The following EFCAB13 variants were observed in gnomAD, a reference collection of about 807,000 sequenced individuals.
The protein encoded by EFCAB13 is EF-hand calcium binding domain 13.
EFCAB13 carries 91 observed loss-of-function variants against 110.2 expected under a neutral mutation model. The observed-to-expected ratio is 0.83, with a 90% CI of 0.70 to 0.98. EFCAB13 has a LOEUF of 0.98. EFCAB13 is among the 50% of genes least tolerant of loss of function. The pLI is 0.00. For missense variants in EFCAB13, 968 were observed against 1,119.4 expected, an observed-to-expected ratio of 0.86 and a Z score of 1.93; for synonymous variants, 323 against 369.9, an observed-to-expected ratio of 0.87 and a Z score of 1.45.
At chr17:47,393,705 G>A (rs2065721022) in intron 15 of EFCAB13, among the ~76,000 whole-genome samples, 1 of 144,354 alleles carries the variant, frequency 6.9e-6, no homozygotes, top group African/African-American at 2.7e-5. Flanking sequence ...GACAGAGTGA[G>A]ACTCTTTCTC....
At chr17:47,358,773 G>A (rs2065494459) in intron 9 of EFCAB13, among the ~76,000 whole-genome samples, 1 of 152,128 alleles carries the variant, frequency 6.6e-6, no homozygotes, top group Admixed American at 6.5e-5. Flanking sequence ...CATGATTGTG[G>A]AGTACTGGTT....
intron 14 of EFCAB13, among the ~76,000 whole-genome samples, chr17:47,381,594 A>G (rs1471055324): frequency 1.3e-5 from 2 of 152,188 alleles, no homozygotes; most frequent in African/African-American, 2.4e-5. Context: ...TCCCAACACC[A>G]TTTATTAAAT....
chr17:47,415,394 A>T (rs896146866), intron 23 of EFCAB13, among the ~76,000 whole-genome samples: 5 of 151,902 alleles, frequency 3.3e-5, no homozygotes, highest in Non-Finnish European at 5.9e-5. Context: ...TAATAATAAT[A>T]AAAAAAAGAC....
intron 23 of EFCAB13, among the ~76,000 whole-genome samples, chr17:47,424,758 T>C (rs1183919344): frequency 6.6e-6 from 1 of 151,202 alleles, no homozygotes; most frequent in Non-Finnish European, 1.5e-5. Context: ...AGAGATCCAA[T>C]AGCAAGGACT....
chr17:47,398,979 A>G (rs1330420484), intron 17 of EFCAB13, among the ~76,000 whole-genome samples: 2 of 152,180 alleles, frequency 1.3e-5, no homozygotes, highest in African/African-American at 4.8e-5. Context: ...GCTGGAGTGC[A>G]GTGGCGCAAT....
chr17:47,361,908 CA>C (rs1276554990), intron 10 of EFCAB13, among the ~76,000 whole-genome samples: 24 of 152,062 alleles, frequency 1.6e-4, no homozygotes, highest in Admixed American at 9.2e-4. Flanking sequence ...TTTGATTAAA[CA>C]ATTTTGCTAT....
chr17:47,389,490 A>G, intron 14 of EFCAB13, among the ~76,000 whole-genome samples: 1 of 151,970 alleles, frequency 6.6e-6, no homozygotes, highest in Non-Finnish European at 1.5e-5. Flanking sequence ...GGGTTAGGTG[A>G]GAATAGAGTT....
chr17:47,380,362 A>C (rs1054387622), intron 14 of EFCAB13, among the ~76,000 whole-genome samples: 15 of 152,118 alleles, frequency 9.9e-5, no homozygotes, highest in African/African-American at 3.1e-4. Flanking sequence ...TAGTTTGCTG[A>C]GGATGATGGT....
At chr17:47,395,751 T>A (rs2065733378) in intron 16 of EFCAB13, 83 bp from the exon 17 acceptor site, 3 of 1,230,664 alleles carry the variant, frequency 2.4e-6, no homozygotes, top group Non-Finnish European at 3.2e-6. Flanking sequence ...AAAACCTTAA[T>A]TTTTGTCTAT....
chr17:47,329,865 C>T (rs759278131), intron 4 of EFCAB13: 11 of 152,224 alleles, frequency 7.2e-5, no homozygotes, highest in Middle Eastern at 6.8e-3. Context: ...CACATCTCAT[C>T]AAGGCAGCAA....
intron 14 of EFCAB13, among the ~76,000 whole-genome samples, chr17:47,385,821 G>A (rs1427148794): frequency 6.6e-6 from 1 of 151,970 alleles, no homozygotes; most frequent in Admixed American, 6.6e-5. Flanking sequence ...TCTGTATGGG[G>A]GTTCCTTATG....
rs1472848484 is a variant in EFCAB13 at position 47,403,815 on chromosome 17, A to G, written c.2018-63A>G. 1.2e-5 allele frequency: 18 copies of G among 1,444,592 alleles called. No individual in the cohort carries two copies. The Admixed American group carries it at 4.1e-4, about 33-fold the overall frequency. The allele number at this position is 1,444,592 out of a possible 1,614,324, so 89.5% of individuals were successfully genotyped here. A position where few individuals can be genotyped will look rare whatever the true frequency, so the allele number is the denominator to read the frequency against. ...ATACAATAATAAACTATGGATTTCC[A>G]CTAACAAATGTCTTGAGTGATGGCT... On this transcript the variant is annotated intron_variant, in intron 18 of 24. Transcript: ENST00000331493.
rs1222818729 is a variant in EFCAB13, at chr17:47,432,226, G to A, written c.2638+2265G>A. Among the ~76,000 whole-genome samples the A allele has an allele frequency of 4.6e-5, 7 of 151,808 alleles. No individual in the cohort carries two copies. In the East Asian group the frequency reaches 7.7e-4, roughly 17 times the overall value. On this transcript the variant is annotated intron_variant, in intron 24 of 24. Transcript: ENST00000331493. ...ATCCTGGCTAACACAGTGAAACCCC[G>A]TCCCTACTAAAAATACAAAAAATTA...
At chr17:47,395,010 T>A (rs1012660379) in intron 16 of EFCAB13, among the ~76,000 whole-genome samples, 1 of 152,196 alleles carries the variant, frequency 6.6e-6, no homozygotes, top group Non-Finnish European at 1.5e-5. Flanking sequence ...TATACCTCAT[T>A]GGGACCTTAT....
At chr17:47,331,952 GTTTA>G (rs1010028026) in intron 4 of EFCAB13, among the ~76,000 whole-genome samples, 3 of 152,046 alleles carry the variant, frequency 2.0e-5, no homozygotes, top group Non-Finnish European at 2.9e-5. Flanking sequence ...ATTTAGCACA[GTTTA>G]TTTATTAATT....
At chr17:47,385,454 A>C (rs2065671136) in intron 14 of EFCAB13, among the ~76,000 whole-genome samples, 1 of 151,754 alleles carries the variant, frequency 6.6e-6, no homozygotes, top group Non-Finnish European at 1.5e-5. Context: ...ATACTTGTGT[A>C]TGCTTCATGA....
At chr17:47,426,175 G>A (rs1368299027) in intron 23 of EFCAB13, among the ~76,000 whole-genome samples, 1 of 152,148 alleles carries the variant, frequency 6.6e-6, no homozygotes, top group Non-Finnish European at 1.5e-5. Flanking sequence ...ACTGAAGATG[G>A]ACTCTATTAC....
At chr17:47,331,084 T>C (rs2065317295) in intron 4 of EFCAB13, among the ~76,000 whole-genome samples, 3 of 152,176 alleles carry the variant, frequency 2.0e-5, no homozygotes, top group Admixed American at 2.0e-4. Context: ...GAGAAATATC[T>C]GTTCATGTTA....
chr17:47,396,779 G>A (rs754209732), intron 17 of EFCAB13, among the ~76,000 whole-genome samples: 4 of 152,038 alleles, frequency 2.6e-5, no homozygotes, highest in Non-Finnish European at 5.9e-5. Flanking sequence ...GGCTTTAAAT[G>A]TATTGATTAT....
Sources: gnomAD v4.1 joint callset for allele counts (sites outside exome capture counted in the v4.1 genomes callset) on GRCh38, gnomAD v4.1.1 for gene constraint, MANE v1.5 for transcripts, NCBI Gene and HGNC (gene_info 2026-07-23, HGNC 2026-07-21) for gene names.